Variants in GOT1L1 observed in about 807,000 individuals in gnomAD.
The protein encoded by GOT1L1 is aspartate aminotransferase, cytoplasmic 2.
GOT1L1 carries 38 observed loss-of-function variants against 43.6 expected under a neutral mutation model. The observed-to-expected ratio is 0.87, with a 90% confidence interval of 0.67 to 1.14. The LOEUF is 1.14. Among genes scored for constraint, GOT1L1 ranks in the 50% most tolerant of loss-of-function variants. The probability of loss-of-function intolerance (pLI) is 0.00; values close to 1 mark genes in which losing one functional copy is unlikely to be tolerated. For missense variants in GOT1L1, 482 were observed against 504.0 expected (o/e 0.96, Z 0.42); for synonymous variants, 183 against 187.2 (o/e 0.98, Z 0.18).
rs758018572 is a variant in GOT1L1 at position 37,937,400 on chromosome 8, G to GC, written c.410-15dup. 3.3e-6 allele frequency: 5 copies of GC among 1,513,480 alleles called. No homozygotes were observed. Among genetic ancestry groups the GC allele is most frequent in the East Asian group, 2.3e-5 (1 of 44,168 alleles). 93.8% of individuals were successfully genotyped at this position (1,513,480 alleles called of 1,614,324 possible). A position where few individuals can be genotyped will look rare whatever the true frequency, so the allele number is the denominator to read the frequency against. On this transcript the variant is annotated splice_polypyrimidine_tract_variant and intron_variant, in intron 3 of 8. Coordinates refer to ENST00000307599, the MANE Select transcript of GOT1L1 (RefSeq NM_152413.3). The stretch of plus-strand genomic sequence containing the variant: ...GTCCATGCAGTTCTGTGGGAACACA[G>GC]CCCCCCACTAGCTGGTACATGGGAA...
In GOT1L1 at chr8:37,937,312, A is replaced by C. The variant is rs932962444; in HGVS notation, c.484T>G (p.Cys162Gly). 4.3e-6 allele frequency: 7 copies of C among 1,609,784 alleles called. No homozygotes were observed. In the African/African-American group the frequency reaches 8.0e-5, roughly 18 times the overall value. ...TTGAGGAGTATGTCGGGGTCCATGC[A>C]TAGCTTCTTGGGGTCCCAGACAGAG... Reference protein sequence around the residue: ...EYSVWDPKKLCMDPDILLNVV... With the variant: ...EYSVWDPKKLGMDPDILLNVV... The change falls in exon 4 of 9, where the codon TGC becomes GGC. Residue 162 changes from cysteine (C) to glycine (G), a missense_variant. Cys to Gly is a radical substitution (Grantham distance 159). Coordinates refer to ENST00000307599, the MANE Select transcript of GOT1L1 (RefSeq NM_152413.3).
chr8:37,934,440 G>T lies in GOT1L1; in HGVS notation c.1119C>A (p.Pro373=). The change falls in exon 9 of 9, where the codon CCC becomes CCA. Residue 373 remains proline, a synonymous_variant. Transcript: ENST00000307599. ...AGCTGAAGTTAATCTGACCGTTCTT[G>T]GGGATATAGATGTGCTTCTTCCTGA... ...YLVRKKHIYI[P]KNGQINFSCI... The T allele has an allele frequency of 6.2e-7, 1 of 1,613,850 alleles. No homozygotes were observed. Among genetic ancestry groups the T allele is most frequent in the East Asian group, 2.2e-5 (1 of 44,880 alleles).
chr8:37,937,539 TG>T, intron 3 of GOT1L1, 98 bp downstream of exon 3: 2 of 1,068,192 alleles, frequency 1.9e-6, no homozygotes, highest in Admixed American at 4.1e-5. Context: ...ATTTTGCTCA[TG>T]ACAGAGAATG....
chr8:37,937,787 G>C, intron 2 of GOT1L1, 38 bp from the exon 3 acceptor site: 1 of 1,405,722 alleles, frequency 7.1e-7, no homozygotes. Flanking sequence ...GCCAGGTGTG[G>C]TGGCTCACAC....
At position 37,937,038 on chromosome 8, in the gene GOT1L1, A is replaced by C. The variant is rs371386633; in HGVS notation, c.539T>G (p.Val180Gly). 6.2e-6 allele frequency: 10 copies of C among 1,613,726 alleles called. No homozygotes were observed. The highest frequency in any genetic ancestry group is 8.5e-6 in the Non-Finnish European group (10 of 1,179,818). ...NVVEQIPHGC[V>G]LVMGNIIDCK... ...GTCGATAATGTTCCCCATCACAAGG[A>C]CACAGCCATGTGGGATCTGCTGCAG... The change falls in exon 5 of 9, where the codon GTC becomes GGC. Residue 180 changes from valine to glycine, a missense_variant. Physicochemically the swap from Val to Gly is moderately radical, Grantham distance 109. Transcript: ENST00000307599.
rs201093228 is a variant in GOT1L1 at position 37,936,760 on chromosome 8, G to A, written c.723C>T (p.Phe241=). The change falls in exon 6 of 9, where the codon TTC becomes TTT. Residue 241 remains phenylalanine, a synonymous_variant. Transcript: ENST00000307599. The part of the protein sequence containing the change: ...LQYFVSQGFE[F]FCSQSLSKNF... ...TCTTGGACAGAGACTGGCTGCAGAA[G>A]AACTCAAAGCCTTGAGACACAAAGT... is the stretch of plus-strand genomic sequence containing the variant. 5.8e-4 allele frequency: 934 copies of A among 1,612,670 alleles called. 1 individual carries two copies. The highest frequency in any genetic ancestry group is 6.8e-4 in the South Asian group (62 of 91,056).
intron 2 of GOT1L1, 67 bp downstream of exon 2, chr8:37,938,633 A>C: frequency 7.0e-7 from 1 of 1,430,938 alleles, no homozygotes; most frequent in Non-Finnish European, 9.4e-7. Context: ...TTCGGGTTTA[A>C]GGTTGTGCAG....
rs200163233 is a variant in GOT1L1, at chr8:37,938,857, G to A, written c.140C>T (p.Pro47Leu). 3.0e-5 allele frequency: 49 copies of A among 1,613,802 alleles called. No individual in the cohort carries two copies. The highest frequency in any genetic ancestry group is 1.7e-4 in the Middle Eastern group (1 of 6,060). ...YRVCMTNEGH[P>L]WVSLVVQKTR... Reference sequence around the variant, plus strand: ...CTTCTGCACCACGAGAGAAACCCAGGGATGGCCTTCATTTGTCATGCAGAC... The same window carrying A: ...CTTCTGCACCACGAGAGAAACCCAGAGATGGCCTTCATTTGTCATGCAGAC... The change falls in exon 2 of 9, where the codon CCC becomes CTC. Residue 47 changes from proline to leucine, a missense_variant. Coordinates refer to ENST00000307599, the MANE Select transcript of GOT1L1 (RefSeq NM_152413.3).
intron 1 of GOT1L1, among the ~76,000 whole-genome samples, chr8:37,939,431 A>AAAAAATATATATATAT (rs1237987679): frequency 4.8e-5 from 2 of 41,692 alleles, no homozygotes; most frequent in Admixed American, 3.0e-4. Context: ...AAAAAAAAAA[A>AAAAAATATATATATAT]ATATATATAT....
At chr8:37,936,921 C>T (rs2130265961) in intron 5 of GOT1L1, 44 bp downstream of exon 5, 1 of 1,610,662 alleles carries the variant, frequency 6.2e-7, no homozygotes, top group East Asian at 2.2e-5. Flanking sequence ...GAGGAGAGAG[C>T]AGAGAGTCAA....
chr8:37,938,189 G>C (rs1356578544), intron 2 of GOT1L1, among the ~76,000 whole-genome samples: 2 of 152,230 alleles, frequency 1.3e-5, no homozygotes, highest in Non-Finnish European at 2.9e-5. Flanking sequence ...CTGAGGCCAG[G>C]AGTTTGAGAC....
In GOT1L1 at chr8:37,938,794, T is replaced by C; in HGVS notation, c.203A>G (p.Tyr68Cys). The C allele has an allele frequency of 6.2e-7, 1 of 1,613,648 alleles. No homozygotes were observed. Among genetic ancestry groups the C allele is most frequent in the Non-Finnish European group, 8.5e-7 (1 of 1,179,748 alleles). Residue 68 changes from tyrosine (Y) to cysteine (C), a missense_variant, in exon 2 of 9, where the codon TAT becomes TGT. By Grantham distance (194) the Tyr-to-Cys change is radical (BLOSUM62 -2). Transcript: ENST00000307599. ...CAGGCCCATGGTGGGCAAGTACTCA[T>C]AATTCAGGGAGGGATCCTGTGAAAT... ...LQISQDPSLN[Y>C]EYLPTMGLKS...
rs1188585189 is a variant in GOT1L1 at position 37,939,428 on chromosome 8, A to AC, written c.115+486_115+487insG. Among the ~76,000 whole-genome samples, 4 of 55,262 alleles carry AC rather than the reference A, an allele frequency of 7.2e-5. No homozygotes were observed. The East Asian group carries it at 2.4e-3, about 33-fold the overall frequency. The allele number at this position is 55,262 out of a possible 152,430, so 36.3% of individuals were successfully genotyped here. A position where few individuals can be genotyped will look rare whatever the true frequency, so the allele number is the denominator to read the frequency against. The stretch of plus-strand genomic sequence containing the variant: ...GGCCCTGTCTCAAGAAAAAAAAAAA[A>AC]AAAATATATATATATATATATATAT... On this transcript the variant is annotated intron_variant, in intron 1 of 8. Transcript: ENST00000307599.
intron 1 of GOT1L1, 88 bp downstream of exon 1, chr8:37,939,827 A>T: frequency 7.5e-7 from 1 of 1,336,168 alleles, no homozygotes; most frequent in Non-Finnish European, 1.0e-6. Flanking sequence ...CTTGGGCTGC[A>T]CCCCTCCCCC....
intron 7 of GOT1L1, 98 bp downstream of exon 7, chr8:37,935,606 G>T: frequency 9.0e-7 from 1 of 1,107,980 alleles, no homozygotes; most frequent in African/African-American, 1.6e-5. Context: ...AAGGCCACAT[G>T]GGCAGGAGAG....
rs1222101621 is a variant in GOT1L1 at position 37,938,884 on chromosome 8, G to T, written c.116-3C>A. On this transcript the variant is annotated splice_region_variant and splice_polypyrimidine_tract_variant and intron_variant, in intron 1 of 8. Coordinates refer to ENST00000307599, the MANE Select transcript of GOT1L1 (RefSeq NM_152413.3). The stretch of plus-strand genomic sequence containing the variant: ...ATGGCCTTCATTTGTCATGCAGACT[G>T]TGAGGAAAACCACAGAGGGAGCTCC... 6.2e-7 allele frequency: 1 copy of T among 1,613,336 alleles called. No individual in the cohort carries two copies.
At position 37,937,741 on chromosome 8, in the gene GOT1L1, A is replaced by C. The variant is rs756421814; in HGVS notation, c.306T>G (p.Gly102=). 1.2e-6 allele frequency: 2 copies of C among 1,610,072 alleles called. No homozygotes were observed. The highest frequency in any genetic ancestry group is 1.7e-6 in the Non-Finnish European group (2 of 1,177,994). The change falls in exon 3 of 9, where the codon GGT becomes GGG. Residue 102 remains glycine (G), a synonymous_variant. Transcript: ENST00000307599. ...CACCACTGTCACCAACAGTGTGTAC[A>C]CCCCCTACCTGCCAGCAAGACATAG... ...SQAIVENRVG[G]VHTVGDSGAF...
rs1463515342 is a variant in GOT1L1, at chr8:37,937,004, C to T, written c.573G>A (p.Leu191=). The part of the protein sequence containing the change: ...LVMGNIIDCK[L]TPSGWAKLMS... ...TCAACTTTGCCCACCCACTTGGTGT[C>T]AACTTGCAGTCGATAATGTTCCCCA... The change falls in exon 5 of 9, where the codon TTG becomes TTA. Residue 191 remains leucine (L), a synonymous_variant. Coordinates refer to ENST00000307599, the MANE Select transcript of GOT1L1 (RefSeq NM_152413.3). 2 of 1,613,904 alleles carry T rather than the reference C, an allele frequency of 1.2e-6. No individual in the cohort carries two copies. The highest frequency in any genetic ancestry group is 4.5e-5 in the East Asian group (2 of 44,876).
intron 2 of GOT1L1, among the ~76,000 whole-genome samples, chr8:37,938,099 T>C (rs2130272652): frequency 6.6e-6 from 1 of 151,022 alleles, no homozygotes; most frequent in East Asian, 2.0e-4. Context: ...GAAATAACAC[T>C]CTAAAACAGT....
Sources: allele counts gnomAD v4.1 joint callset (sites outside exome capture counted in the v4.1 genomes callset), GRCh38; gene constraint gnomAD v4.1.1; transcripts MANE v1.5; gene names NCBI Gene and HGNC (gene_info 2026-07-23, HGNC 2026-07-21).